The following ERBIN variants were observed in gnomAD, a reference collection of about 807,000 sequenced individuals.
ERBIN encodes densin-180-like protein.
Under a neutral mutation model 158.4 loss-of-function variants are expected in ERBIN, and 60 were observed. That is an observed-to-expected ratio of 0.38 (90% CI 0.31 to 0.47). ERBIN has a LOEUF of 0.47. ERBIN is among the 20% of genes least tolerant of loss of function. The pLI is 0.99. For synonymous variants in ERBIN, 594 were observed against 557.2 expected (o/e 1.07, Z -0.93); for missense variants, 1,610 against 1,648.0 (o/e 0.98, Z 0.40).
At chr5:66,069,076 T>A (rs779916750) in intron 21 of ERBIN, 27 of 1,389,860 alleles carry the variant, frequency 1.9e-5, no homozygotes, top group Non-Finnish European at 2.5e-5. Flanking sequence ...AACCCCAAAT[T>A]TTAAGTGTTT....
At chr5:65,937,063 A>G (rs1744178411) in intron 1 of ERBIN, among the ~76,000 whole-genome samples, 1 of 152,236 alleles carries the variant, frequency 6.6e-6, no homozygotes, top group Non-Finnish European at 1.5e-5. Context: ...ACGACTTACT[A>G]ATTATGACAT....
At chr5:65,927,272 A>G (rs1039574971) in intron 1 of ERBIN, among the ~76,000 whole-genome samples, 4 of 152,148 alleles carry the variant, frequency 2.6e-5, no homozygotes, top group Admixed American at 2.0e-4. Flanking sequence ...CGCTTGCGTT[A>G]ATTGTATATA....
chr5:65,947,150 G>A (rs1290766267), intron 1 of ERBIN, among the ~76,000 whole-genome samples: 1 of 152,120 alleles, frequency 6.6e-6, no homozygotes, highest in African/African-American at 2.4e-5. Context: ...CTGTTGTGAA[G>A]TCCAGGACTT....
intron 14 of ERBIN, among the ~76,000 whole-genome samples, chr5:66,029,207 A>G (rs1756591013): frequency 6.6e-6 from 1 of 152,186 alleles, no homozygotes; most frequent in Non-Finnish European, 1.5e-5. Flanking sequence ...GTTCCATTTT[A>G]AATATTTTGA....
At chr5:65,956,940 C>T (rs1747213552) in intron 1 of ERBIN, among the ~76,000 whole-genome samples, 1 of 152,140 alleles carries the variant, frequency 6.6e-6, no homozygotes, top group South Asian at 2.1e-4. Context: ...TGAGCCACCA[C>T]ACCTGGCTTT....
In ERBIN at chr5:66,044,146, T is replaced by C. The variant is rs775937176; in HGVS notation, c.1438T>C (p.Leu480=). Residue 480 remains leucine, a synonymous_variant, in exon 17 of 26, where the codon TTA becomes CTA. Coordinates refer to ENST00000284037, the MANE Select transcript of ERBIN (RefSeq NM_001253697.2). ...TATTTTATTTCTCTAGGAGGGAAATTTAAAAAGATATCCAACACCATACCC... is the reference window on the plus strand; with the variant it reads ...TATTTTATTTCTCTAGGAGGGAAATCTAAAAAGATATCCAACACCATACCC... ...EREAPPREGN[L]KRYPTPYPDE... is the part of the protein sequence containing the mutation. 6.5e-7 allele frequency: 1 copy of C among 1,547,728 alleles called. No homozygotes were observed. The highest frequency in any genetic ancestry group is 2.3e-5 in the Admixed American group (1 of 44,194).
At chr5:66,007,546 T>TAA (rs34972803) in intron 4 of ERBIN, among the ~76,000 whole-genome samples, 6 of 136,932 alleles carry the variant, frequency 4.4e-5, no homozygotes, top group African/African-American at 1.1e-4. Context: ...TAAAGTATAA[T>TAA]AAAAAAAAAA....
chr5:65,973,136 C>G (rs1314853764), intron 1 of ERBIN, among the ~76,000 whole-genome samples: 1 of 150,862 alleles, frequency 6.6e-6, no homozygotes, highest in East Asian at 1.9e-4. Context: ...TGGAAACCAA[C>G]ATTCTCAGCA....
Position 66,078,631 on chromosome 5 carries a change from CAAA to C in ERBIN, c.*105_*107del. ...CTATTTTTATATATAAAGAAGAACT[CAAA>C]AAATTATGTTCAAATTTGTACATTA... On this transcript the variant is annotated 3_prime_UTR_variant, in exon 26 of 26. Transcript: ENST00000284037. 1 of 735,678 alleles carries C rather than the reference CAAA, an allele frequency of 1.4e-6. No homozygotes were observed. Among genetic ancestry groups the C allele is most frequent in the East Asian group, 2.7e-5 (1 of 36,442 alleles). 45.6% of individuals were successfully genotyped at this position (735,678 alleles called of 1,614,324 possible). A position where few individuals can be genotyped will look rare whatever the true frequency, so the allele number is the denominator to read the frequency against.
intron 1 of ERBIN, among the ~76,000 whole-genome samples, chr5:65,931,576 T>C (rs1316854007): frequency 6.6e-6 from 1 of 152,248 alleles, no homozygotes; most frequent in Non-Finnish European, 1.5e-5. Context: ...TATTGCATGT[T>C]AGTGTAACAT....
chr5:66,013,873 C>T (rs1036989420), intron 6 of ERBIN, among the ~76,000 whole-genome samples: 2 of 151,924 alleles, frequency 1.3e-5, no homozygotes, highest in African/African-American at 2.4e-5. Context: ...CAAAACAGGG[C>T]GTTTCAATGG....
intron 14 of ERBIN, among the ~76,000 whole-genome samples, chr5:66,031,948 CT>C (rs1359076206): frequency 6.6e-6 from 1 of 151,966 alleles, no homozygotes; most frequent in East Asian, 1.9e-4. Context: ...CTCAAGTGAT[CT>C]TCCCACCCCA....
In ERBIN at chr5:65,965,382, G is replaced by GTTTTTTTTTTTTTTTTTTTTT. The variant is rs200847060; in HGVS notation, c.-57-23232_-57-23212dup. On this transcript the variant is annotated intron_variant, in intron 1 of 25. Transcript: ENST00000284037. Reference sequence around the variant, plus strand: ...GTTCTTACCAGATTTGTTTTTTGTTGTTTTTTTTTTTTTTTTTTTTTTTTT... The same window carrying GTTTTTTTTTTTTTTTTTTTTT: ...GTTCTTACCAGATTTGTTTTTTGTTGTTTTTTTTTTTTTTTTTTTTTTTTTTTTTTTTTTTTTTTTTTTTTT... 1.5e-4 allele frequency among the ~76,000 whole-genome samples: 14 copies of GTTTTTTTTTTTTTTTTTTTTT among 96,060 alleles called. 1 individual carries two copies. Among genetic ancestry groups the GTTTTTTTTTTTTTTTTTTTTT allele is most frequent in the East Asian group, 3.6e-4 (1 of 2,816 alleles). 63.0% of individuals were successfully genotyped at this position (96,060 alleles called of 152,430 possible). A position where few individuals can be genotyped will look rare whatever the true frequency, so the allele number is the denominator to read the frequency against.
intron 1 of ERBIN, among the ~76,000 whole-genome samples, chr5:65,979,151 G>A (rs922778334): frequency 3.3e-5 from 5 of 152,162 alleles, no homozygotes; most frequent in Admixed American, 2.0e-4. Context: ...TTATAGTGGG[G>A]CGTGGTGGCT....
At chr5:66,047,169 T>TTA (rs1417557468) in intron 18 of ERBIN, among the ~76,000 whole-genome samples, 2 of 152,108 alleles carry the variant, frequency 1.3e-5, no homozygotes, top group African/African-American at 2.4e-5. Flanking sequence ...AAAATCTACT[T>TTA]TATATGCCTC....
intron 16 of ERBIN, 124 bp downstream of exon 16, chr5:66,043,322 C>A: frequency 1.1e-6 from 1 of 923,104 alleles, no homozygotes; most frequent in East Asian, 2.8e-5. Flanking sequence ...CCTCAAGGCA[C>A]TTGAAGTGTT....
intron 21 of ERBIN, among the ~76,000 whole-genome samples, chr5:66,067,589 G>C (rs1761118914): frequency 6.6e-6 from 1 of 152,186 alleles, no homozygotes; most frequent in African/African-American, 2.4e-5. Flanking sequence ...GTATTCATAT[G>C]AATTCAGTTT....
intron 22 of ERBIN, among the ~76,000 whole-genome samples, chr5:66,072,815 C>T (rs868330898): frequency 6.6e-6 from 1 of 152,122 alleles, no homozygotes; most frequent in Admixed American, 6.6e-5. Flanking sequence ...TTACTATCCT[C>T]CCTCAACTAT....
intron 6 of ERBIN, 113 bp from the exon 7 acceptor site, chr5:66,014,556 G>A: frequency 1.9e-6 from 1 of 522,072 alleles, no homozygotes; most frequent in Non-Finnish European, 3.4e-6. Context: ...ATATTACTTT[G>A]CAATTAGTAA....
Sources: allele counts gnomAD v4.1 joint callset (sites outside exome capture counted in the v4.1 genomes callset), GRCh38; gene constraint gnomAD v4.1.1; transcripts MANE v1.5; gene names NCBI Gene and HGNC (gene_info 2026-07-23, HGNC 2026-07-21).